CDH12: variants seen among roughly 807,000 people sequenced by gnomAD.
The protein encoded by CDH12 is cadherin-12.
CDH12 carries 41 observed loss-of-function variants against 74.1 expected under a neutral mutation model. That is an observed-to-expected ratio of 0.55 (90% CI 0.43 to 0.72). CDH12 has a LOEUF of 0.72. Among genes scored for constraint, CDH12 ranks in the 30% least tolerant of loss-of-function variants. The pLI is 0.00. For missense variants in CDH12, 945 were observed against 977.2 expected (o/e 0.97, Z 0.44); for synonymous variants, 399 against 355.0 (o/e 1.12, Z -1.39).
intron 6 of CDH12, among the ~76,000 whole-genome samples, chr5:21,869,845 G>T (rs375569901): frequency 7.9e-5 from 12 of 152,128 alleles, no homozygotes; most frequent in African/African-American, 2.9e-4. Flanking sequence ...TTAATTTTAG[G>T]TGTCAGCTTG....
chr5:21,923,339 G>T (rs1018350874), intron 6 of CDH12, among the ~76,000 whole-genome samples: 3 of 152,052 alleles, frequency 2.0e-5, no homozygotes, highest in Non-Finnish European at 4.4e-5. Context: ...TCGTGTGTGG[G>T]TGTGTGTGTA....
chr5:22,546,762 T>TA (rs1195281956), intron 1 of CDH12, among the ~76,000 whole-genome samples: 2 of 152,056 alleles, frequency 1.3e-5, no homozygotes, highest in African/African-American at 4.8e-5. Flanking sequence ...GTATGCACAA[T>TA]AAAAAAATAC....
rs1003821498 is a variant in CDH12, at chr5:22,214,127, G to C, written c.-332-1484C>G. 3.5e-3 allele frequency among the ~76,000 whole-genome samples: 526 copies of C among 151,978 alleles called. 6 individuals carry two copies. The highest frequency in any genetic ancestry group is 0.012 in the African/African-American group (498 of 41,456). Reference sequence around the variant, plus strand: ...TTTAAAGTATCTCATTAAAATACAAGCTCTTGGTGAAACTTTTTGGACAAA... The same window carrying C: ...TTTAAAGTATCTCATTAAAATACAACCTCTTGGTGAAACTTTTTGGACAAA... On this transcript the variant is annotated intron_variant, in intron 3 of 14. Coordinates refer to ENST00000382254, the MANE Select transcript of CDH12 (RefSeq NM_004061.5).
At chr5:22,104,255 C>T (rs1744306603) in intron 4 of CDH12, among the ~76,000 whole-genome samples, 1 of 152,082 alleles carries the variant, frequency 6.6e-6, no homozygotes, top group African/African-American at 2.4e-5. Context: ...AATTAGCTCT[C>T]AAGTAGCTAT....
intron 4 of CDH12, among the ~76,000 whole-genome samples, chr5:22,135,445 A>G (rs1350286521): frequency 6.6e-6 from 1 of 152,160 alleles, no homozygotes. Flanking sequence ...TTTTTCTGTC[A>G]TATTTCATAA....
At chr5:22,444,237 T>C (rs1744732850) in intron 2 of CDH12, among the ~76,000 whole-genome samples, 1 of 152,026 alleles carries the variant, frequency 6.6e-6, no homozygotes, top group Non-Finnish European at 1.5e-5. Flanking sequence ...TTGCTGTGAA[T>C]ATACATGCAC....
chr5:22,850,662 A>T (rs1737508322), intron 1 of CDH12, among the ~76,000 whole-genome samples: 1 of 152,112 alleles, frequency 6.6e-6, no homozygotes, highest in African/African-American at 2.4e-5. Flanking sequence ...AACAGCAATA[A>T]TTTGCTAGAA....
At chr5:22,179,844 T>C (rs181658776) in intron 4 of CDH12, among the ~76,000 whole-genome samples, 1 of 152,278 alleles carries the variant, frequency 6.6e-6, no homozygotes, top group African/African-American at 2.4e-5. Flanking sequence ...GAGTGACAAA[T>C]GTGTGTCATC....
At chr5:22,401,024 A>G in intron 3 of CDH12, among the ~76,000 whole-genome samples, 1 of 152,302 alleles carries the variant, frequency 6.6e-6, no homozygotes, top group South Asian at 2.1e-4. Flanking sequence ...TTTCCATATA[A>G]TAAATAAAGT....
At chr5:22,478,068 T>C (rs1746238429) in intron 2 of CDH12, among the ~76,000 whole-genome samples, 1 of 152,126 alleles carries the variant, frequency 6.6e-6, no homozygotes, top group Non-Finnish European at 1.5e-5. Flanking sequence ...TGGTAACATG[T>C]TCTAAGCAAG....
intron 1 of CDH12, among the ~76,000 whole-genome samples, chr5:22,843,534 A>G (rs1737169573): frequency 1.3e-5 from 2 of 152,126 alleles, no homozygotes; most frequent in South Asian, 2.1e-4. Context: ...GATCAATGCC[A>G]AAAGAGTTTA....
intron 1 of CDH12, among the ~76,000 whole-genome samples, chr5:22,651,432 G>A (rs1739730520): frequency 6.6e-6 from 1 of 152,070 alleles, no homozygotes; most frequent in African/African-American, 2.4e-5. Flanking sequence ...AGAAGGTGAA[G>A]CAGAAGTAAG....
chr5:21,984,203 T>G (rs548995158), intron 5 of CDH12, among the ~76,000 whole-genome samples: 1 of 152,158 alleles, frequency 6.6e-6, no homozygotes. Context: ...GAATCAATCA[T>G]TTCTTCTACT....
chr5:22,777,035 C>G (rs900768284), intron 1 of CDH12, among the ~76,000 whole-genome samples: 5 of 152,054 alleles, frequency 3.3e-5, no homozygotes, highest in Admixed American at 6.6e-5. Flanking sequence ...TTCCACATTT[C>G]CAAGGATTCT....
At chr5:21,925,087 C>A (rs1399742241) in intron 6 of CDH12, among the ~76,000 whole-genome samples, 2 of 152,062 alleles carry the variant, frequency 1.3e-5, no homozygotes, top group African/African-American at 4.8e-5. Flanking sequence ...AAAAAAATTC[C>A]CAGCTACAGC....
chr5:21,770,478 G>C (rs1273301636), intron 11 of CDH12, among the ~76,000 whole-genome samples: 1 of 151,948 alleles, frequency 6.6e-6, no homozygotes, highest in Admixed American at 6.6e-5. Flanking sequence ...ACAAAAAGTA[G>C]CTGGGCATGG....
intron 1 of CDH12, among the ~76,000 whole-genome samples, chr5:22,548,416 G>A (rs563231895): frequency 4.6e-5 from 7 of 152,140 alleles, no homozygotes; most frequent in East Asian, 1.9e-4. Context: ...GTATTTATAC[G>A]TACCTAGAAA....
At chr5:21,770,024 A>C (rs35444412) in intron 11 of CDH12, among the ~76,000 whole-genome samples, 4,348 of 152,278 alleles carry the variant, frequency 0.029, 78 homozygotes, top group Middle Eastern at 0.058. Context: ...TAACTCAGAG[A>C]GCAAGAAGAT....
chr5:22,139,086 T>G (rs1425390707), intron 4 of CDH12, among the ~76,000 whole-genome samples: 1 of 150,668 alleles, frequency 6.6e-6, no homozygotes, highest in African/African-American at 2.4e-5. Context: ...AAATATTACC[T>G]TTATTAAAAA....
Sources: allele counts gnomAD v4.1 joint callset (sites outside exome capture counted in the v4.1 genomes callset), GRCh38; gene constraint gnomAD v4.1.1; transcripts MANE v1.5; gene names NCBI Gene and HGNC (gene_info 2026-07-23, HGNC 2026-07-21).